The following COL2A1 variants were observed in gnomAD, a reference collection of about 807,000 sequenced individuals.
The protein encoded by COL2A1 is collagen type II alpha 1 chain.
COL2A1 carries 28 observed loss-of-function variants against 204.5 expected under a neutral mutation model. The ratio of observed to expected loss-of-function variants is 0.14; its 90% CI spans 0.10 to 0.19. The LOEUF (loss-of-function observed/expected upper bound fraction) is 0.19. COL2A1 is among the 10% of genes least tolerant of loss of function. The pLI is 1.00. For missense variants in COL2A1, 1,388 were observed against 2,027.5 expected (o/e 0.68, Z 6.06); for synonymous variants, 708 against 718.7 (o/e 0.99, Z 0.24).
At chr12:48,004,605 G>T (rs544390692), upstream of COL2A1, 42 of 321,864 alleles carry the variant, frequency 1.3e-4, 1 homozygote, top group South Asian at 1.8e-3. Flanking sequence ...CCCGGAGCCC[G>T]CCTGGGCCCT....
chr12:47,985,997 T>A, intron 23 of COL2A1, 32 bp from the exon 24 acceptor site: 3 of 1,549,750 alleles, frequency 1.9e-6, no homozygotes, highest in Non-Finnish European at 2.6e-6. Flanking sequence ...AGGCAGTGAG[T>A]GAGAACAGCC....
At position 47,976,395 on chromosome 12, in the gene COL2A1, T is replaced by C. The variant is rs1248052346; in HGVS notation, c.3489+119A>G. 8.6e-7 allele frequency: 1 copy of C among 1,159,790 alleles called. No individual in the cohort carries two copies. Among genetic ancestry groups the C allele is most frequent in the African/African-American group, 1.5e-5 (1 of 65,750 alleles). The allele number at this position is 1,159,790 out of a possible 1,614,324, so 71.8% of individuals were successfully genotyped here. A position where few individuals can be genotyped will look rare whatever the true frequency, so the allele number is the denominator to read the frequency against. ...CATGAGCCAGTCCTGCCCCCATTACTGAGTGAGGACCCCTGAGCCCACAGC... is the reference window on the plus strand; with the variant it reads ...CATGAGCCAGTCCTGCCCCCATTACCGAGTGAGGACCCCTGAGCCCACAGC... On this transcript the variant is annotated intron_variant, in intron 49 of 53. Transcript: ENST00000380518. This position sits in a 1 kb window ranked among gnomAD's most constrained non-coding sequence, Gnocchi z 4.3.
intron 23 of COL2A1, 21 bp from the exon 24 acceptor site, chr12:47,985,986 G>T: frequency 6.4e-7 from 1 of 1,551,370 alleles, no homozygotes; most frequent in Non-Finnish European, 8.7e-7. Flanking sequence ...ACAGGGAGGA[G>T]AGGCAGTGAG....
intron 1 of COL2A1, among the ~76,000 whole-genome samples, chr12:48,002,419 A>C (rs890805224): frequency 5.3e-5 from 8 of 152,012 alleles, no homozygotes; most frequent in Non-Finnish European, 8.8e-5. Context: ...GGGTCCGCTG[A>C]CCCCAGGCGG....
In COL2A1 at chr12:47,999,595, T is replaced by C. The variant is rs901716583; in HGVS notation, c.292+324A>G. On this transcript the variant is annotated intron_variant, in intron 2 of 53. Coordinates refer to ENST00000380518, the MANE Select transcript of COL2A1 (RefSeq NM_001844.5). Reference sequence around the variant, plus strand: ...GGCCAGACAGAGCATTTGATCTCCATAGTGGCTCTAGTAATTTGCAGAGAT... The same window carrying C: ...GGCCAGACAGAGCATTTGATCTCCACAGTGGCTCTAGTAATTTGCAGAGAT... 25 of 330,890 alleles carry C rather than the reference T, an allele frequency of 7.6e-5. 3 individuals are homozygous for C. The highest frequency in any genetic ancestry group is 6.1e-4 in the South Asian group (20 of 32,880). 20.5% of individuals were successfully genotyped at this position (330,890 alleles called of 1,614,324 possible).
In COL2A1 at chr12:47,980,134, A is replaced by G; in HGVS notation, c.2626-72T>C. On this transcript the variant is annotated intron_variant, in intron 39 of 53. Coordinates refer to ENST00000380518, the MANE Select transcript of COL2A1 (RefSeq NM_001844.5). The surrounding 1 kb of genome is among the most constrained non-coding windows in gnomAD (Gnocchi z 4.5). The stretch of plus-strand genomic sequence containing the variant: ...ACGGTGGGCTTCTGTCTGAGCCCCA[A>G]CAATGGACCCCTGAGGTTTTCGAAG... 1 of 1,347,232 alleles carries G rather than the reference A, an allele frequency of 7.4e-7. No individual in the cohort carries two copies. Among genetic ancestry groups the G allele is most frequent in the South Asian group, 1.3e-5 (1 of 79,956 alleles). The allele number at this position is 1,347,232 out of a possible 1,614,324, so 83.5% of individuals were successfully genotyped here. A position where few individuals can be genotyped will look rare whatever the true frequency, so the allele number is the denominator to read the frequency against.
chr12:47,988,803 G>A (rs1939566296), intron 18 of COL2A1, among the ~76,000 whole-genome samples: 1 of 152,358 alleles, frequency 6.6e-6, no homozygotes, highest in East Asian at 1.9e-4. Flanking sequence ...GAAACCCAGA[G>A]GGGAGCAGGG....
At chr12:47,998,703 C>G in intron 2 of COL2A1, 1 of 467,962 alleles carries the variant, frequency 2.1e-6, no homozygotes, top group Non-Finnish European at 3.8e-6. Context: ...AAGGGCAGCA[C>G]AAAAAGGCAA....
At chr12:47,989,329 C>A in intron 17 of COL2A1, 48 bp from the exon 18 acceptor site, 1 of 1,541,648 alleles carries the variant, frequency 6.5e-7, no homozygotes, top group Non-Finnish European at 8.9e-7. Flanking sequence ...CAGTTCTGGC[C>A]TCCAAAGCGA....
chr12:47,980,836 C>T lies in COL2A1; in HGVS notation c.2517+79G>A. ...GAGGAGCATCCATTTCCCTCCCTGA[C>T]AAGCTCCGATGCCCGAGGGTGCTGG... On this transcript the variant is annotated intron_variant, in intron 38 of 53. Coordinates refer to ENST00000380518, the MANE Select transcript of COL2A1 (RefSeq NM_001844.5). The surrounding 1 kb of genome is among the most constrained non-coding windows in gnomAD (Gnocchi z 4.5). The T allele has an allele frequency of 6.6e-7, 1 of 1,511,810 alleles. No homozygotes were observed. The allele number at this position is 1,511,810 out of a possible 1,614,324, so 93.6% of individuals were successfully genotyped here.
chr12:47,981,539 T>C (rs1939083051), intron 36 of COL2A1, 143 bp from the exon 37 acceptor site: 1 of 895,170 alleles, frequency 1.1e-6, no homozygotes. Context: ...GTGCAGCCCA[T>C]ACCCGCACCC....
rs538175236 is a variant in COL2A1 at position 47,981,282 on chromosome 12, C to T, written c.2463+61G>A. 7.5e-5 allele frequency: 118 copies of T among 1,566,966 alleles called. 1 individual carries two copies. Among genetic ancestry groups the T allele is most frequent in the South Asian group, 2.0e-4 (17 of 86,806 alleles). On this transcript the variant is annotated intron_variant, in intron 37 of 53. Transcript: ENST00000380518. ...GCAGCATGAGGGCCTGCACTGACTC[C>T]CTGGCTCTCTGGTTCCCAGGGGCCT...
chr12:47,980,872 GGCCT>G lies in COL2A1; in HGVS notation c.2517+39_2517+42del. 1 of 1,547,570 alleles carries G rather than the reference GGCCT, an allele frequency of 6.5e-7. No homozygotes were observed. The highest frequency in any genetic ancestry group is 1.2e-5 in the South Asian group (1 of 83,948). On this transcript the variant is annotated intron_variant, in intron 38 of 53. Coordinates refer to ENST00000380518, the MANE Select transcript of COL2A1 (RefSeq NM_001844.5). The surrounding 1 kb of genome is among the most constrained non-coding windows in gnomAD (Gnocchi z 4.5). ...GCCCGAGGGTGCTGGATGTGGAACT[GGCCT>G]GAGTGGAGGGACCCAGGAGGATGGA...
At position 47,983,186 on chromosome 12, in the gene COL2A1, C is replaced by A. The variant is rs11168338; in HGVS notation, c.2050-49G>T. The A allele has an allele frequency of 0.31, 499,901 of 1,592,990 alleles. 83,925 individuals are homozygous for A. Among genetic ancestry groups the A allele is most frequent in the Non-Finnish European group, 0.35 (407,681 of 1,166,458 alleles). On this transcript the variant is annotated intron_variant, in intron 31 of 53. Transcript: ENST00000380518. ...GAGAGTGAAGGCTTCATATCACAGACCCCTGAACAATTCTCCACAGCAGGG... is the reference window on the plus strand; with the variant it reads ...GAGAGTGAAGGCTTCATATCACAGAACCCTGAACAATTCTCCACAGCAGGG...
Position 47,987,892 on chromosome 12 carries a change from G to A in COL2A1, c.1123-183C>T, listed in dbSNP as rs952206830. On this transcript the variant is annotated intron_variant, in intron 18 of 53. Coordinates refer to ENST00000380518, the MANE Select transcript of COL2A1 (RefSeq NM_001844.5). The surrounding 1 kb of genome is among the most constrained non-coding windows in gnomAD (Gnocchi z 4.1). ...CTGCCGTTTTTCTCCCTGCCTGACC[G>A]AGCTGATGACTTGATGACTTCCCAC... 2.6e-5 allele frequency among the ~76,000 whole-genome samples: 4 copies of A among 152,128 alleles called. No homozygotes were observed. Among genetic ancestry groups the A allele is most frequent in the East Asian group, 1.9e-4 (1 of 5,188 alleles).
At chr12:47,977,249 C>T (rs888496156) in intron 46 of COL2A1, 71 bp downstream of exon 46, 20 of 1,578,460 alleles carry the variant, frequency 1.3e-5, no homozygotes, top group African/African-American at 1.1e-4. Context: ...CCAGAGACTG[C>T]GGAAACCCAG....
chr12:48,004,587 C>T, upstream of COL2A1: 1 of 357,188 alleles, frequency 2.8e-6, no homozygotes, highest in Non-Finnish European at 5.1e-6. Context: ...TAACCTGAAC[C>T]GCCCGCCCCC....
At chr12:47,974,445 G>A (rs1938590984) in intron 52 of COL2A1, 114 bp from the exon 53 acceptor site, 2 of 1,437,582 alleles carry the variant, frequency 1.4e-6, no homozygotes, top group South Asian at 1.3e-5. Context: ...TACTGGGGCA[G>A]CAGGGAGCTA....
In COL2A1 at chr12:47,987,017, G is replaced by C; in HGVS notation, c.1365+61C>G. 1 of 1,582,770 alleles carries C rather than the reference G, an allele frequency of 6.3e-7. No homozygotes were observed. The highest frequency in any genetic ancestry group is 8.7e-7 in the Non-Finnish European group (1 of 1,151,528). On this transcript the variant is annotated intron_variant, in intron 21 of 53. Coordinates refer to ENST00000380518, the MANE Select transcript of COL2A1 (RefSeq NM_001844.5). This position sits in a 1 kb window ranked among gnomAD's most constrained non-coding sequence, Gnocchi z 4.1. Reference sequence around the variant, plus strand: ...CAGGGCAGGAGAGCATGGGAAAGAGGGGTGATGGGGTTTGACTCCAGAGAT... The same window carrying C: ...CAGGGCAGGAGAGCATGGGAAAGAGCGGTGATGGGGTTTGACTCCAGAGAT...
Sources: gnomAD v4.1 joint callset for allele counts (sites outside exome capture counted in the v4.1 genomes callset) on GRCh38, gnomAD v4.1.1 for gene constraint, Gnocchi (gnomAD v3.1) non-coding constraint, MANE v1.5 for transcripts, NCBI Gene and HGNC (gene_info 2026-07-23, HGNC 2026-07-21) for gene names.